The following DHRS7C variants were observed in gnomAD, a reference collection of about 807,000 sequenced individuals.
DHRS7C encodes the protein dehydrogenase/reductase SDR family member 7C.
DHRS7C carries 28 observed loss-of-function variants against 29.6 expected under a neutral mutation model. That is an observed-to-expected ratio of 0.95 (90% CI 0.70 to 1.30). The LOEUF (loss-of-function observed/expected upper bound fraction) is 1.30. DHRS7C is among the 50% of genes most tolerant of loss of function. The pLI, the probability that DHRS7C is intolerant of heterozygous loss-of-function variation, is 0.00. For synonymous variants in DHRS7C, 158 were observed against 160.2 expected (o/e 0.99, Z 0.10); for missense variants, 403 against 393.3 (o/e 1.02, Z -0.21).
Position 9,771,694 on chromosome 17 carries a change from A to G in DHRS7C, c.730T>C (p.Phe244Leu), listed in dbSNP as rs1224316055. 2.0e-6 allele frequency: 3 copies of G among 1,483,404 alleles called. No homozygotes were observed. The highest frequency in any genetic ancestry group is 2.8e-5 in the South Asian group (2 of 71,954). 91.9% of individuals were successfully genotyped at this position (1,483,404 alleles called of 1,614,324 possible). A position where few individuals can be genotyped will look rare whatever the true frequency, so the allele number is the denominator to read the frequency against. Residue 244 changes from phenylalanine to leucine, a missense_variant and splice_region_variant, in exon 6 of 6, where the codon TTT becomes CTT. Physicochemically the swap from Phe to Leu is conservative, Grantham distance 22. Coordinates refer to ENST00000571134, the MANE Select transcript of DHRS7C (RefSeq NM_001105571.3). ...GNWEASIWKF[F>L]FRKLTYGVHP... The stretch of plus-strand genomic sequence containing the variant: ...ACGCCGTAGGTCAGCTTCCTGAAAA[A>G]GACTGAAAGGCCCCAGTTGGGGGCG...
In DHRS7C at chr17:9,780,003, G is replaced by A; in HGVS notation, c.300C>T (p.Leu100=). 1.9e-6 allele frequency: 3 copies of A among 1,613,918 alleles called. No homozygotes were observed. Among genetic ancestry groups the A allele is most frequent in the Non-Finnish European group, 2.5e-6 (3 of 1,179,888 alleles). The change falls in exon 3 of 6, where the codon CTC becomes CTT. Residue 100 remains leucine, a synonymous_variant. Coordinates refer to ENST00000571134, the MANE Select transcript of DHRS7C (RefSeq NM_001105571.3). The part of the protein sequence containing the change: ...TFTPKLVLLD[L]SDISCVPDVA... ...CATCTGGGACACAGCTGATGTCTGAGAGGTCCAACAGGACCAGCTTTGGGG... is the reference window on the plus strand; with the variant it reads ...CATCTGGGACACAGCTGATGTCTGAAAGGTCCAACAGGACCAGCTTTGGGG...
Position 9,791,113 on chromosome 17 carries a change from G to A in DHRS7C, c.154+18C>T. The A allele has an allele frequency of 6.2e-7, 1 of 1,602,860 alleles. No homozygotes were observed. The highest frequency in any genetic ancestry group is 8.5e-7 in the Non-Finnish European group (1 of 1,173,558). The stretch of plus-strand genomic sequence containing the variant: ...CTGGGGGCAGAAATGGGCACAGGTG[G>A]GAGCAAAGCCAGCTTACCCTTGCCC... On this transcript the variant is annotated intron_variant, in intron 1 of 5. Transcript: ENST00000571134.
At chr17:9,778,665 A>T (rs1215189932) in intron 3 of DHRS7C, among the ~76,000 whole-genome samples, 1 of 152,170 alleles carries the variant, frequency 6.6e-6, no homozygotes, top group African/African-American at 2.4e-5. Context: ...CTGGGACACC[A>T]TTCTAGAAGC....
chr17:9,777,313 G>A, intron 3 of DHRS7C, 28 bp from the exon 4 acceptor site: 7 of 1,601,052 alleles, frequency 4.4e-6, no homozygotes, highest in Non-Finnish European at 6.0e-6. Context: ...ATGCATCATG[G>A]TTAAAACTTT....
At chr17:9,786,663 C>G (rs1411002007) in intron 1 of DHRS7C, among the ~76,000 whole-genome samples, 2 of 152,116 alleles carry the variant, frequency 1.3e-5, no homozygotes, top group East Asian at 3.9e-4. Context: ...CCGTGGGCAG[C>G]AGAAAGTCTA....
chr17:9,788,364 C>T (rs7210684), intron 1 of DHRS7C, among the ~76,000 whole-genome samples: 27 of 151,860 alleles, frequency 1.8e-4, no homozygotes, highest in African/African-American at 6.3e-4. Context: ...GAGCCCCCAC[C>T]CCCAGCTAAT....
At chr17:9,773,066 A>G in intron 4 of DHRS7C, 144 bp from the exon 5 acceptor site, 1 of 1,004,002 alleles carries the variant, frequency 1.0e-6, no homozygotes, top group Non-Finnish European at 1.4e-6. Flanking sequence ...CCCTCACTTT[A>G]CAAATGAGGA....
chr17:9,781,744 C>T (rs1228056684), intron 1 of DHRS7C, 150 bp from the exon 2 acceptor site: 4 of 686,158 alleles, frequency 5.8e-6, no homozygotes, highest in African/African-American at 3.6e-5. Flanking sequence ...AACTCCCTCC[C>T]CGGGCTGGAA....
At position 9,778,608 on chromosome 17, in the gene DHRS7C, C is replaced by T. The variant is rs569675328; in HGVS notation, c.478+1217G>A. 3.3e-5 allele frequency among the ~76,000 whole-genome samples: 5 copies of T among 152,230 alleles called. No homozygotes were observed. In the South Asian group the frequency reaches 1.0e-3, roughly 32 times the overall value. ...TTGGTAGCTGACACACCGGTGCTGG[C>T]CTGTTTGCTGTGTCCACAGGGACTG... On this transcript the variant is annotated intron_variant, in intron 3 of 5. Coordinates refer to ENST00000571134, the MANE Select transcript of DHRS7C (RefSeq NM_001105571.3).
rs1554462 is a variant in DHRS7C at position 9,781,542 on chromosome 17, C to A, written c.207G>T (p.Lys69Asn). The A allele has an allele frequency of 6.2e-7, 1 of 1,614,034 alleles. No homozygotes were observed. Among genetic ancestry groups the A allele is most frequent in the South Asian group, 1.1e-5 (1 of 91,086 alleles). The change falls in exon 2 of 6, where the codon AAG becomes AAT. Residue 69 changes from lysine (K) to asparagine (N), a missense_variant. Transcript: ENST00000571134. ...ATAGGTTCTCTAGCCTCTCCCAGTT[C>A]TTTCCACACAGCACCAGCCTTGCCC... Reference protein sequence around the residue: ...TGGARLVLCGKNWERLENLYD... With the variant: ...TGGARLVLCGNNWERLENLYD...
At chr17:9,778,563 A>G (rs1044842919) in intron 3 of DHRS7C, among the ~76,000 whole-genome samples, 5 of 152,150 alleles carry the variant, frequency 3.3e-5, no homozygotes, top group Non-Finnish European at 7.4e-5. Flanking sequence ...CTTTGATGCC[A>G]GTGAAGTCTC....
intron 3 of DHRS7C, among the ~76,000 whole-genome samples, chr17:9,778,505 G>A (rs940265138): frequency 6.6e-6 from 1 of 152,146 alleles, no homozygotes; most frequent in Admixed American, 6.5e-5. Flanking sequence ...CTAACCAGGA[G>A]GAGAAACCAG....
At chr17:9,790,896 CTTAGGCTGTGAG>C (rs1423764552) in intron 1 of DHRS7C, among the ~76,000 whole-genome samples, 1 of 152,208 alleles carries the variant, frequency 6.6e-6, no homozygotes, top group African/African-American at 2.4e-5. Flanking sequence ...AGTTTTAGCC[CTTAGGCTGTGAG>C]TTTGCAACCC....
chr17:9,784,855 A>G lies in DHRS7C; in HGVS notation c.155-3261T>C, dbSNP rs149301766. On this transcript the variant is annotated intron_variant, in intron 1 of 5. Coordinates refer to ENST00000571134, the MANE Select transcript of DHRS7C (RefSeq NM_001105571.3). ...TGAATAACAATTTTGAAGCCCTAAC[A>G]ACTGATGTTGCAGAAATTGGTCTAT... Among the ~76,000 whole-genome samples the G allele has an allele frequency of 1.6e-3, 245 of 152,368 alleles. 1 individual carries two copies. Among genetic ancestry groups the G allele is most frequent in the Non-Finnish European group, 2.6e-3 (178 of 68,032 alleles).
At chr17:9,772,729 A>C (rs1272526050) in intron 5 of DHRS7C, 38 bp downstream of exon 5, 1 of 1,609,176 alleles carries the variant, frequency 6.2e-7, no homozygotes, top group East Asian at 2.2e-5. Context: ...ACTGTTCCCG[A>C]GGCCCCCAGG....
chr17:9,787,713 T>A (rs2066431883), intron 1 of DHRS7C, among the ~76,000 whole-genome samples: 1 of 152,122 alleles, frequency 6.6e-6, no homozygotes. Flanking sequence ...TAATTTTAAT[T>A]TTAATTTTTT....
intron 2 of DHRS7C, 23 bp downstream of exon 2, chr17:9,781,459 C>A (rs546153555): frequency 1.2e-6 from 2 of 1,610,014 alleles, no homozygotes; most frequent in South Asian, 2.2e-5. Flanking sequence ...GAGTTACCCA[C>A]GCCTACTGCT....
In DHRS7C at chr17:9,791,335, G is replaced by T. The variant is rs200734929; in HGVS notation, c.-51C>A. The T allele has an allele frequency of 6.3e-7, 1 of 1,593,200 alleles. No individual in the cohort carries two copies. The highest frequency in any genetic ancestry group is 2.2e-5 in the East Asian group (1 of 44,644). On this transcript the variant is annotated 5_prime_UTR_variant, in exon 1 of 6. Coordinates refer to ENST00000571134, the MANE Select transcript of DHRS7C (RefSeq NM_001105571.3). Reference sequence around the variant, plus strand: ...AAGGGGATTGGCTTTGCAAAGAGACGCTGATCAGGACTCCCAGGGCAGGGG... The same window carrying T: ...AAGGGGATTGGCTTTGCAAAGAGACTCTGATCAGGACTCCCAGGGCAGGGG...
At chr17:9,790,555 A>G (rs1472632093) in intron 1 of DHRS7C, among the ~76,000 whole-genome samples, 1 of 152,214 alleles carries the variant, frequency 6.6e-6, no homozygotes, top group Admixed American at 6.5e-5. Flanking sequence ...TAGCGTGGGC[A>G]TGTTTTGCCT....
Sources: gnomAD v4.1 joint callset for allele counts (sites outside exome capture counted in the v4.1 genomes callset) on GRCh38, gnomAD v4.1.1 for gene constraint, MANE v1.5 for transcripts, NCBI Gene and HGNC (gene_info 2026-07-23, HGNC 2026-07-21) for gene names.